Variants in RBFOX1 observed in about 807,000 individuals in gnomAD.
RBFOX1 encodes RNA binding fox-1 homolog 1.
In RBFOX1, 8 loss-of-function variants were observed where a neutral mutation model predicts 57.7. That is an observed-to-expected ratio of 0.14 (90% CI 0.08 to 0.25). RBFOX1 has a LOEUF of 0.25. Among genes scored for constraint, RBFOX1 ranks in the 10% least tolerant of loss-of-function variants. The pLI, the probability that RBFOX1 is intolerant of heterozygous loss-of-function variation, is 1.00. For synonymous variants in RBFOX1, 326 were observed against 222.4 expected (o/e 1.47, Z -4.15); for missense variants, 611 against 548.5 (o/e 1.11, Z -1.14).
chr16:6,629,226 A>G (rs895039911), intron 2 of RBFOX1, among the ~76,000 whole-genome samples: 10 of 152,190 alleles, frequency 6.6e-5, no homozygotes, highest in African/African-American at 2.2e-4. Flanking sequence ...GTATTTGGCA[A>G]TTACAGGCCT....
intron 3 of RBFOX1, among the ~76,000 whole-genome samples, chr16:6,659,360 C>T (rs987773398): frequency 1.3e-5 from 2 of 151,606 alleles, no homozygotes; most frequent in African/African-American, 2.4e-5. Context: ...CAAGTTATGG[C>T]GACTTTCAGA....
intron 4 of RBFOX1, among the ~76,000 whole-genome samples, chr16:7,211,961 C>T (rs6500928): frequency 0.48 from 72,372 of 151,790 alleles, 17,522 homozygotes; most frequent in African/African-American, 0.54. Context: ...CCTACTCCCT[C>T]CTACCCACCC....
intron 2 of RBFOX1, among the ~76,000 whole-genome samples, chr16:6,569,628 C>G (rs529848387): frequency 1.3e-5 from 2 of 152,310 alleles, no homozygotes; most frequent in Non-Finnish European, 2.9e-5. Context: ...GCAGAAGTTT[C>G]ATGGGCTCTG....
At chr16:7,168,210 T>A (rs1316145690) in intron 4 of RBFOX1, among the ~76,000 whole-genome samples, 1 of 152,194 alleles carries the variant, frequency 6.6e-6, no homozygotes, top group Non-Finnish European at 1.5e-5. Context: ...AAATGGCTAA[T>A]GGGAATGTGG....
intron 4 of RBFOX1, among the ~76,000 whole-genome samples, chr16:7,089,388 A>C (rs1049394112): frequency 4.7e-5 from 7 of 150,386 alleles, no homozygotes; most frequent in South Asian, 2.1e-4. Context: ...AATGTTTACA[A>C]ATGCTGATTT....
At chr16:5,733,845 C>G (rs901926820) in intron 3 of RBFOX1, among the ~76,000 whole-genome samples, 1 of 151,968 alleles carries the variant, frequency 6.6e-6, no homozygotes, top group Non-Finnish European at 1.5e-5. Context: ...TCTAGTCTTT[C>G]CCTGGGATGC....
chr16:5,866,569 A>T (rs1026207612), intron 3 of RBFOX1, among the ~76,000 whole-genome samples: 3 of 152,248 alleles, frequency 2.0e-5, no homozygotes, highest in Non-Finnish European at 4.4e-5. Context: ...GGCATAGATG[A>T]ACAATGTTGG....
intron 3 of RBFOX1, among the ~76,000 whole-genome samples, chr16:6,738,302 G>C (rs2071007520): frequency 6.6e-6 from 1 of 152,066 alleles, no homozygotes; most frequent in East Asian, 1.9e-4. Flanking sequence ...TCCATAAGGA[G>C]AGGAGGGGAA....
chr16:5,285,102 A>G (rs1302784863), intron 1 of RBFOX1, among the ~76,000 whole-genome samples: 1 of 152,076 alleles, frequency 6.6e-6, no homozygotes, highest in Non-Finnish European at 1.5e-5. Flanking sequence ...GAATTTCAGT[A>G]TTTGGCCACA....
intron 4 of RBFOX1, among the ~76,000 whole-genome samples, chr16:5,878,820 G>A (rs1273422735): frequency 6.6e-6 from 1 of 152,158 alleles, no homozygotes; most frequent in Admixed American, 6.5e-5. Flanking sequence ...ATTGAATAAA[G>A]TGGTAATCCA....
chr16:7,134,069 A>T lies in RBFOX1; in HGVS notation c.27+81971A>T, dbSNP rs574301755. 2.0e-5 allele frequency among the ~76,000 whole-genome samples: 3 copies of T among 152,328 alleles called. No individual in the cohort carries two copies. In the South Asian group the frequency reaches 6.2e-4, roughly 32 times the overall value. Reference sequence around the variant, plus strand: ...GTGGGCCTCAGTAATGGAGGGAATCACGTTAGCACTTGGCAGTTTGTTATG... The same window carrying T: ...GTGGGCCTCAGTAATGGAGGGAATCTCGTTAGCACTTGGCAGTTTGTTATG... On this transcript the variant is annotated intron_variant, in intron 4 of 15. Transcript: ENST00000550418.
chr16:6,685,078 C>G (rs919374086), intron 3 of RBFOX1, among the ~76,000 whole-genome samples: 2 of 152,096 alleles, frequency 1.3e-5, no homozygotes, highest in African/African-American at 4.8e-5. Context: ...ATTCAAACCT[C>G]CATCCCTCAT....
chr16:7,539,271 G>C (rs947776359), intron 5 of RBFOX1, among the ~76,000 whole-genome samples: 13 of 152,144 alleles, frequency 8.5e-5, no homozygotes, highest in African/African-American at 3.1e-4. Flanking sequence ...CTCTGAGGAA[G>C]GGTCGGTTAA....
At chr16:6,956,428 A>G (rs1174738841) in intron 3 of RBFOX1, among the ~76,000 whole-genome samples, 1 of 152,162 alleles carries the variant, frequency 6.6e-6, no homozygotes, top group Non-Finnish European at 1.5e-5. Flanking sequence ...GAATACTTGA[A>G]TTTGTCAAGA....
intron 1 of RBFOX1, among the ~76,000 whole-genome samples, chr16:6,094,272 C>T (rs548354981): frequency 3.3e-5 from 5 of 152,126 alleles, no homozygotes; most frequent in African/African-American, 1.2e-4. Context: ...CCTGAGCCAC[C>T]GTTCCAAAGG....
At chr16:5,703,936 T>G (rs1225038281) in intron 3 of RBFOX1, among the ~76,000 whole-genome samples, 1 of 152,216 alleles carries the variant, frequency 6.6e-6, no homozygotes, top group Admixed American at 6.5e-5. Flanking sequence ...AATCATTATG[T>G]GAACTATTGC....
At chr16:5,693,115 G>A (rs945843585) in intron 3 of RBFOX1, among the ~76,000 whole-genome samples, 2 of 152,120 alleles carry the variant, frequency 1.3e-5, no homozygotes, top group African/African-American at 4.8e-5. Context: ...GGACAGACGT[G>A]GGTGTGAGCA....
chr16:7,408,568 G>C (rs547501073), intron 4 of RBFOX1, among the ~76,000 whole-genome samples: 1 of 152,200 alleles, frequency 6.6e-6, no homozygotes, highest in Non-Finnish European at 1.5e-5. Context: ...TGCGATTGCT[G>C]TTCCTGATAA....
chr16:7,011,560 C>G lies in RBFOX1; in HGVS notation c.-15-40497C>G, dbSNP rs375214721. On this transcript the variant is annotated intron_variant, in intron 3 of 15. Coordinates refer to ENST00000550418, the MANE Select transcript of RBFOX1 (RefSeq NM_018723.4). ...ACGAAGTCTTGCTTTGTCGCACAGGCTGGAGTGCAGTGGCATGATCTCGGC... is the reference window on the plus strand; with the variant it reads ...ACGAAGTCTTGCTTTGTCGCACAGGGTGGAGTGCAGTGGCATGATCTCGGC... Among the ~76,000 whole-genome samples the G allele has an allele frequency of 1.2e-4, 19 of 152,314 alleles. No individual in the cohort carries two copies. In the East Asian group the frequency reaches 1.4e-3, roughly 11 times the overall value.
Sources: gnomAD v4.1 joint callset for allele counts (sites outside exome capture counted in the v4.1 genomes callset) on GRCh38, gnomAD v4.1.1 for gene constraint, MANE v1.5 for transcripts, NCBI Gene and HGNC (gene_info 2026-07-23, HGNC 2026-07-21) for gene names.